ESYT3: variants seen among roughly 807,000 people sequenced by gnomAD.
ESYT3 encodes extended synaptotagmin-3.
ESYT3 carries 101 observed loss-of-function variants against 111.5 expected under a neutral mutation model. That is an observed-to-expected ratio of 0.91 (90% confidence interval 0.77 to 1.07). The LOEUF is 1.07. Among genes scored for constraint, ESYT3 ranks in the 50% least tolerant of loss-of-function variants. The probability of loss-of-function intolerance (pLI) is 0.00; values close to 1 mark genes in which losing one functional copy is unlikely to be tolerated. For synonymous variants in ESYT3, 416 were observed against 446.8 expected (o/e 0.93, Z 0.87); for missense variants, 1,097 against 1,109.4 (o/e 0.99, Z 0.16).
chr3:138,435,184 C>A lies in ESYT3; in HGVS notation c.327+59C>A. On this transcript the variant is annotated intron_variant, in intron 1 of 22. Coordinates refer to ENST00000389567, the MANE Select transcript of ESYT3 (RefSeq NM_031913.5). The surrounding 1 kb of genome is among the most constrained non-coding windows in gnomAD (Gnocchi z 4.8). Reference sequence around the variant, plus strand: ...AGATGCCTTTCGAGGTTCGGAGGAACTTGCGGTCAGCGGGGAGCTGGTGCG... The same window carrying A: ...AGATGCCTTTCGAGGTTCGGAGGAAATTGCGGTCAGCGGGGAGCTGGTGCG... 1.4e-6 allele frequency: 2 copies of A among 1,454,786 alleles called. No homozygotes were observed. Among genetic ancestry groups the A allele is most frequent in the Admixed American group, 2.2e-5 (1 of 45,998 alleles). The allele number at this position is 1,454,786 out of a possible 1,614,324, so 90.1% of individuals were successfully genotyped here.
intron 2 of ESYT3, 61 bp downstream of exon 2, chr3:138,452,150 C>A: frequency 6.5e-7 from 1 of 1,550,044 alleles, no homozygotes; most frequent in South Asian, 1.1e-5. Flanking sequence ...CTCCCCGCGG[C>A]TGTCACCCCC....
In ESYT3 at chr3:138,479,697, C is replaced by A. The variant is rs531025822; in HGVS notation, c.*2843C>A. 6.6e-6 allele frequency: 1 copy of A among 152,196 alleles called. No homozygotes were observed. Among genetic ancestry groups the A allele is most frequent in the East Asian group, 1.9e-4 (1 of 5,196 alleles). 9.4% of individuals were successfully genotyped at this position (152,196 alleles called of 1,614,324 possible). ...CTTCATGTTTTATCAGCAGGCAACA[C>A]CTTTTGGCAAGTTTCTTAGCCACAA... On this transcript the variant is annotated 3_prime_UTR_variant, in exon 23 of 23. Transcript: ENST00000389567.
At position 138,471,026 on chromosome 3, in the gene ESYT3, G is replaced by A. The variant is rs762546295; in HGVS notation, c.1740G>A (p.Arg580=). The change falls in exon 17 of 23, where the codon CGG becomes CGA. Residue 580 remains arginine (R), a splice_region_variant and synonymous_variant. Coordinates refer to ENST00000389567, the MANE Select transcript of ESYT3 (RefSeq NM_031913.5). ...TCATCTCCATGAGGCTGGTGCTTCG[G>A]GTAAATCTCTCCGGTCCCCTGGGGG... ...DSLISMRLVL[R]FLQVEERELG... is the part of the protein sequence containing the mutation. 2.4e-5 allele frequency: 38 copies of A among 1,613,250 alleles called. No homozygotes were observed. Among genetic ancestry groups the A allele is most frequent in the Non-Finnish European group, 2.9e-5 (34 of 1,179,560 alleles).
At chr3:138,455,165 C>G in intron 2 of ESYT3, 29 bp from the exon 3 acceptor site, 1 of 1,613,422 alleles carries the variant, frequency 6.2e-7, no homozygotes, top group Non-Finnish European at 8.5e-7. Flanking sequence ...ACAGACCTGA[C>G]TACCAAGAGC....
chr3:138,449,333 G>A (rs897289419), intron 1 of ESYT3, among the ~76,000 whole-genome samples: 3 of 151,992 alleles, frequency 2.0e-5, no homozygotes, highest in Non-Finnish European at 4.4e-5. Flanking sequence ...TGATCCACCT[G>A]CCTCGGCCTC....
chr3:138,467,339 C>T (rs2032978973), intron 10 of ESYT3, among the ~76,000 whole-genome samples: 1 of 152,104 alleles, frequency 6.6e-6, no homozygotes, highest in African/African-American at 2.4e-5. Context: ...ATGGGAGCCC[C>T]CTTCCTCCCC....
chr3:138,469,389 G>C (rs1314433721), intron 14 of ESYT3, 47 bp from the exon 15 acceptor site: 3 of 1,546,094 alleles, frequency 1.9e-6, no homozygotes, highest in Non-Finnish European at 2.7e-6. Flanking sequence ...GTCTCAAGCT[G>C]ATATTGACTA....
rs373950279 is a variant in ESYT3 at position 138,470,103 on chromosome 3, CCTT to C, written c.1551_1553del (p.Phe518del). 1.2e-5 allele frequency: 19 copies of C among 1,613,174 alleles called. No individual in the cohort carries two copies. The African/African-American group carries it at 1.2e-4, about 10-fold the overall frequency. Reference sequence around the variant, plus strand: ...GACCCTGTGTGGAGCCAGGTGTTCTCCTTCTTTGTGCACAATGTGGCCACTGAG... The same window carrying C: ...GACCCTGTGTGGAGCCAGGTGTTCTCCTTTGTGCACAATGTGGCCACTGAG... On this transcript the variant is annotated inframe_deletion, in exon 16 of 23. Transcript: ENST00000389567.
chr3:138,445,695 C>T (rs2031493423), intron 1 of ESYT3, among the ~76,000 whole-genome samples: 1 of 152,194 alleles, frequency 6.6e-6, no homozygotes. Flanking sequence ...AGAGTGCCTG[C>T]ACCTCCCAGG....
chr3:138,452,173 G>A, intron 2 of ESYT3, 84 bp downstream of exon 2: 2 of 1,374,606 alleles, frequency 1.5e-6, no homozygotes, highest in Non-Finnish European at 1.0e-6. Flanking sequence ...AGCCTGATGG[G>A]GGCCTCGCGG....
At chr3:138,447,477 CA>C (rs2031620830) in intron 1 of ESYT3, among the ~76,000 whole-genome samples, 1 of 152,094 alleles carries the variant, frequency 6.6e-6, no homozygotes, top group Non-Finnish European at 1.5e-5. Flanking sequence ...AGCAGAATAG[CA>C]ATTTATTGTG....
intron 22 of ESYT3, 108 bp downstream of exon 22, chr3:138,476,600 C>A: frequency 8.6e-7 from 1 of 1,166,632 alleles, no homozygotes; most frequent in Non-Finnish European, 1.3e-6. Context: ...GGGAGATGAA[C>A]ACCTTTATTT....
At chr3:138,455,634 G>A (rs2032229474) in intron 3 of ESYT3, among the ~76,000 whole-genome samples, 1 of 152,226 alleles carries the variant, frequency 6.6e-6, no homozygotes, top group Admixed American at 6.5e-5. Context: ...ACACGCCATG[G>A]TGGTAGCCAG....
chr3:138,473,357 G>T, intron 18 of ESYT3, 179 bp from the exon 19 acceptor site: 1 of 636,928 alleles, frequency 1.6e-6, no homozygotes, highest in Non-Finnish European at 2.5e-6. Context: ...CTATGAAGTA[G>T]GATAATTATA....
Position 138,459,969 on chromosome 3 carries a change from C to T in ESYT3, c.673C>T (p.Leu225=). The change falls in exon 6 of 23, where the codon CTG becomes TTG. Residue 225 remains leucine, a synonymous_variant. Coordinates refer to ENST00000389567, the MANE Select transcript of ESYT3 (RefSeq NM_031913.5). ...IQLQGTLRVI[L]EPLLVDKPFV... is the part of the protein sequence containing the mutation. ...GTTGCAGGGCACCCTGCGGGTCATCCTGGAGCCCCTCCTAGTGGACAAGCC... is the reference window on the plus strand; with the variant it reads ...GTTGCAGGGCACCCTGCGGGTCATCTTGGAGCCCCTCCTAGTGGACAAGCC... 2 of 1,614,100 alleles carry T rather than the reference C, an allele frequency of 1.2e-6. No individual in the cohort carries two copies. Among genetic ancestry groups the T allele is most frequent in the Non-Finnish European group, 1.7e-6 (2 of 1,179,974 alleles).
At chr3:138,450,196 T>C (rs1039506598) in intron 1 of ESYT3, among the ~76,000 whole-genome samples, 6 of 152,078 alleles carry the variant, frequency 3.9e-5, no homozygotes, top group African/African-American at 1.4e-4. Context: ...AAGGGACCGG[T>C]GGGAGTGGGC....
chr3:138,447,450 G>A (rs531937310), intron 1 of ESYT3, among the ~76,000 whole-genome samples: 2 of 152,246 alleles, frequency 1.3e-5, no homozygotes, highest in East Asian at 1.9e-4. Context: ...AAGTCATAAT[G>A]GGAATAGAAA....
intron 1 of ESYT3, among the ~76,000 whole-genome samples, chr3:138,444,371 T>A (rs535172300): frequency 7.2e-5 from 11 of 152,340 alleles, no homozygotes; most frequent in Admixed American, 2.0e-4. Context: ...ACCATGTGTC[T>A]GGGCATCTTT....
intron 12 of ESYT3, 133 bp downstream of exon 12, chr3:138,468,327 C>T (rs2033040156): frequency 5.0e-6 from 4 of 803,060 alleles, no homozygotes; most frequent in South Asian, 1.6e-5. Flanking sequence ...TCACTCAGCC[C>T]GTCTCCACAC....
Sources: allele counts gnomAD v4.1 joint callset (sites outside exome capture counted in the v4.1 genomes callset), GRCh38; gene constraint gnomAD v4.1.1; non-coding constraint Gnocchi (gnomAD v3.1); transcripts MANE v1.5; gene names NCBI Gene and HGNC (gene_info 2026-07-23, HGNC 2026-07-21).